The following FCHSD2 variants were observed in gnomAD, a reference collection of about 807,000 sequenced individuals.
FCHSD2 encodes F-BAR and double SH3 domains protein 2.
Under a neutral mutation model 108.1 loss-of-function variants are expected in FCHSD2, and 38 were observed. The ratio of observed to expected loss-of-function variants is 0.35; its 90% confidence interval spans 0.27 to 0.46. FCHSD2 has a LOEUF of 0.46. Ranked by LOEUF, FCHSD2 falls within the 20% of genes least tolerant of loss-of-function variation. The probability of loss-of-function intolerance (pLI) is 1.00; values close to 1 mark genes in which losing one functional copy is unlikely to be tolerated. For synonymous variants in FCHSD2, 279 were observed against 314.7 expected, an observed-to-expected ratio of 0.89 and a Z score of 1.20; for missense variants, 751 against 897.8, an observed-to-expected ratio of 0.84 and a Z score of 2.09.
intron 4 of FCHSD2, among the ~76,000 whole-genome samples, chr11:73,005,903 T>A (rs1391266535): frequency 4.3e-5 from 5 of 117,332 alleles, no homozygotes; most frequent in South Asian, 5.0e-4. Context: ...ATTCCTAAAC[T>A]TTTTTTTTTT....
At chr11:72,851,424 T>C (rs908652273) in intron 13 of FCHSD2, among the ~76,000 whole-genome samples, 9 of 152,132 alleles carry the variant, frequency 5.9e-5, no homozygotes, top group Admixed American at 3.3e-4. Flanking sequence ...ATCCATATTA[T>C]AGATTAATAA....
intron 2 of FCHSD2, among the ~76,000 whole-genome samples, chr11:73,135,002 C>T (rs949818194): frequency 2.0e-5 from 3 of 151,986 alleles, no homozygotes; most frequent in African/African-American, 7.2e-5. Flanking sequence ...TATAGGTGTG[C>T]GCCACCATGC....
At chr11:73,131,272 C>T (rs1860989613) in intron 2 of FCHSD2, among the ~76,000 whole-genome samples, 1 of 151,152 alleles carries the variant, frequency 6.6e-6, no homozygotes, top group African/African-American at 2.4e-5. Context: ...AATCCCAGCA[C>T]TGTGGGAGGC....
intron 3 of FCHSD2, among the ~76,000 whole-genome samples, chr11:73,070,959 C>T (rs1054337365): frequency 2.2e-4 from 33 of 152,176 alleles, no homozygotes; most frequent in Non-Finnish European, 4.4e-5. Flanking sequence ...AAGTTGCAAA[C>T]TGGCATCCTT....
intron 8 of FCHSD2, among the ~76,000 whole-genome samples, chr11:72,978,691 T>A (rs1212300014): frequency 1.3e-5 from 2 of 151,988 alleles, no homozygotes; most frequent in Non-Finnish European, 2.9e-5. Context: ...AAAGTGGCAC[T>A]TCCCCCTTCG....
intron 8 of FCHSD2, among the ~76,000 whole-genome samples, chr11:72,936,262 T>G (rs1397825303): frequency 6.6e-6 from 1 of 152,170 alleles, no homozygotes; most frequent in Non-Finnish European, 1.5e-5. Flanking sequence ...AGTAAGGAAT[T>G]TTGGTGACAG....
chr11:73,078,596 A>C (rs1859609553), intron 3 of FCHSD2, among the ~76,000 whole-genome samples: 1 of 152,102 alleles, frequency 6.6e-6, no homozygotes, highest in South Asian at 2.1e-4. Flanking sequence ...ATGCCATTTA[A>C]GTTCAAAAAT....
chr11:73,092,044 C>G (rs1859971803), intron 2 of FCHSD2, among the ~76,000 whole-genome samples: 1 of 152,066 alleles, frequency 6.6e-6, no homozygotes, highest in African/African-American at 2.4e-5. Context: ...CAAAAAAAAA[C>G]AAAACCTAGC....
At chr11:72,929,417 AT>A (rs1184552861) in intron 8 of FCHSD2, among the ~76,000 whole-genome samples, 10 of 152,132 alleles carry the variant, frequency 6.6e-5, no homozygotes, top group Non-Finnish European at 1.3e-4. Context: ...ACATGAACTC[AT>A]TTTCTGGTGG....
rs1463542156 is a variant in FCHSD2 at position 73,087,289 on chromosome 11, G to A, written c.120-3549C>T. 2.6e-5 allele frequency among the ~76,000 whole-genome samples: 4 copies of A among 151,932 alleles called. No individual in the cohort carries two copies. The South Asian group carries it at 6.2e-4, about 24-fold the overall frequency. The stretch of plus-strand genomic sequence containing the variant: ...ATAAAGAAAATATTTTTATACAGTT[G>A]TACAATATGTGTTTTAAGCTAAATG... On this transcript the variant is annotated intron_variant, in intron 2 of 19. Coordinates refer to ENST00000409418, the MANE Select transcript of FCHSD2 (RefSeq NM_014824.3).
rs377117989 is a variant in FCHSD2 at position 72,841,437 on chromosome 11, C to A, written c.2056+17G>T. 3 of 1,608,890 alleles carry A rather than the reference C, an allele frequency of 1.9e-6. No homozygotes were observed. Among genetic ancestry groups the A allele is most frequent in the Non-Finnish European group, 2.5e-6 (3 of 1,177,812 alleles). On this transcript the variant is annotated intron_variant, in intron 18 of 19. Coordinates refer to ENST00000409418, the MANE Select transcript of FCHSD2 (RefSeq NM_014824.3). ...AAGTGAAAATGCATTTAGACCCATG[C>A]CCAGGAGAACCCTTACCGTTTGCTG...
intron 5 of FCHSD2, among the ~76,000 whole-genome samples, chr11:72,998,294 C>G (rs1023171594): frequency 6.6e-6 from 1 of 152,138 alleles, no homozygotes; most frequent in Non-Finnish European, 1.5e-5. Flanking sequence ...AATCCCCGCA[C>G]TTTTGGAGGC....
Position 73,140,144 on chromosome 11 carries a change from T to C in FCHSD2, c.22-16A>G, listed in dbSNP as rs1177254838. On this transcript the variant is annotated splice_polypyrimidine_tract_variant and intron_variant, in intron 1 of 19. Transcript: ENST00000409418. ...TAACTTTCACCTAAAATATACCATA[T>C]ATTTATGAAGGTCTTTTTACAAATT... The C allele has an allele frequency of 6.9e-7, 1 of 1,440,958 alleles. No homozygotes were observed. Among genetic ancestry groups the C allele is most frequent in the Non-Finnish European group, 9.4e-7 (1 of 1,064,378 alleles). The allele number at this position is 1,440,958 out of a possible 1,614,324, so 89.3% of individuals were successfully genotyped here. A position where few individuals can be genotyped will look rare whatever the true frequency, so the allele number is the denominator to read the frequency against.
At chr11:73,113,765 T>C (rs767622080) in intron 2 of FCHSD2, among the ~76,000 whole-genome samples, 14 of 152,204 alleles carry the variant, frequency 9.2e-5, no homozygotes, top group Non-Finnish European at 1.6e-4. Flanking sequence ...CTGAAGAAAC[T>C]TGGGTGTTGT....
At chr11:73,134,765 C>T (rs1341068713) in intron 2 of FCHSD2, among the ~76,000 whole-genome samples, 1 of 152,176 alleles carries the variant, frequency 6.6e-6, no homozygotes, top group Non-Finnish European at 1.5e-5. Context: ...TGGAGCTGAT[C>T]GACAGCTCAA....
chr11:72,861,380 T>C (rs1166511176), intron 13 of FCHSD2, among the ~76,000 whole-genome samples: 1 of 104,720 alleles, frequency 9.5e-6, no homozygotes, highest in African/African-American at 3.4e-5. Context: ...ATGGAGTCTA[T>C]TATTTAAAAA....
chr11:73,008,873 T>C (rs1183378168), intron 4 of FCHSD2, among the ~76,000 whole-genome samples: 1 of 152,132 alleles, frequency 6.6e-6, no homozygotes, highest in East Asian at 1.9e-4. Context: ...TAGAGGCAGC[T>C]TTTTGTTTCC....
At chr11:73,088,320 T>C (rs1859871583) in intron 2 of FCHSD2, among the ~76,000 whole-genome samples, 1 of 152,220 alleles carries the variant, frequency 6.6e-6, no homozygotes, top group East Asian at 1.9e-4. Flanking sequence ...CAATAGGCTA[T>C]ATCATATAGC....
At chr11:73,123,915 C>A (rs924187874) in intron 2 of FCHSD2, among the ~76,000 whole-genome samples, 53 of 152,142 alleles carry the variant, frequency 3.5e-4, no homozygotes, top group African/African-American at 1.3e-3. Context: ...ATAATCTTAT[C>A]ATAAAATTAA....
Sources: allele counts gnomAD v4.1 joint callset (sites outside exome capture counted in the v4.1 genomes callset), GRCh38; gene constraint gnomAD v4.1.1; transcripts MANE v1.5; gene names NCBI Gene and HGNC (gene_info 2026-07-23, HGNC 2026-07-21).